The following PROM1 variants were observed in gnomAD, a reference collection of about 807,000 sequenced individuals.
The protein encoded by PROM1 is prominin 1.
PROM1 carries 105 observed loss-of-function variants against 116.9 expected under a neutral mutation model. The observed-to-expected ratio is 0.90, with a 90% confidence interval of 0.77 to 1.06. The LOEUF (loss-of-function observed/expected upper bound fraction) is 1.06, where lower values mean the gene tolerates loss of function less well. Among genes scored for constraint, PROM1 ranks in the 50% least tolerant of loss-of-function variants. The probability of loss-of-function intolerance (pLI) is 0.00; values close to 1 mark genes in which losing one functional copy is unlikely to be tolerated. For missense variants in PROM1, 1,122 were observed against 1,045.2 expected (o/e 1.07, Z -1.01); for synonymous variants, 393 against 387.0 (o/e 1.02, Z -0.18).
chr4:16,033,070 G>C (rs1733113250), intron 5 of PROM1, among the ~76,000 whole-genome samples: 1 of 151,722 alleles, frequency 6.6e-6, no homozygotes, highest in African/African-American at 2.4e-5. Flanking sequence ...ATACCAAAGG[G>C]CTGGCTCATC....
At chr4:16,038,442 A>G (rs1734427853) in intron 3 of PROM1, among the ~76,000 whole-genome samples, 2 of 152,124 alleles carry the variant, frequency 1.3e-5, no homozygotes, top group Admixed American at 1.3e-4. Context: ...TCACTCTGTC[A>G]CCCAGGCTGG....
intron 2 of PROM1, 105 bp downstream of exon 2, chr4:16,075,582 G>A (rs1436797149): frequency 7.9e-6 from 9 of 1,138,220 alleles, no homozygotes; most frequent in South Asian, 1.9e-5. Flanking sequence ...CAAAGCAATC[G>A]CTAAAATACT....
rs541673836 is a variant in PROM1, at chr4:16,045,910, A to C, written c.221-6909T>G. On this transcript the variant is annotated intron_variant, in intron 2 of 27. Coordinates refer to ENST00000447510, the MANE Select transcript of PROM1 (RefSeq NM_006017.3). Reference sequence around the variant, plus strand: ...AGCTTGGAGAGTCATCCCAGGCCTGAGACACATCCAATAAGCCTACCAACT... The same window carrying C: ...AGCTTGGAGAGTCATCCCAGGCCTGCGACACATCCAATAAGCCTACCAACT... Among the ~76,000 whole-genome samples the C allele has an allele frequency of 7.2e-5, 11 of 152,344 alleles. No individual in the cohort carries two copies. In the East Asian group the frequency reaches 2.1e-3, roughly 29 times the overall value.
At chr4:16,062,149 C>G (rs915421406) in intron 2 of PROM1, among the ~76,000 whole-genome samples, 5 of 152,100 alleles carry the variant, frequency 3.3e-5, no homozygotes, top group African/African-American at 1.2e-4. Flanking sequence ...CCTCGGCACC[C>G]CAAAGTGCTG....
intron 11 of PROM1, among the ~76,000 whole-genome samples, chr4:16,011,094 T>A (rs1726777925): frequency 6.6e-6 from 1 of 152,166 alleles, no homozygotes; most frequent in South Asian, 2.1e-4. Flanking sequence ...CTTCTCAGCC[T>A]GGCTTGCCCT....
At chr4:15,994,246 C>T (rs771993544) in intron 15 of PROM1, among the ~76,000 whole-genome samples, 175 bp from the exon 16 acceptor site, 1 of 152,236 alleles carries the variant, frequency 6.6e-6, no homozygotes, top group Non-Finnish European at 1.5e-5. Context: ...CCACTTCTGA[C>T]TTCTTGCCTT....
intron 5 of PROM1, among the ~76,000 whole-genome samples, chr4:16,032,603 C>T (rs1732971817): frequency 6.6e-6 from 1 of 152,132 alleles, no homozygotes; most frequent in Admixed American, 6.5e-5. Context: ...AATAACCAAG[C>T]AACATAACAA....
chr4:16,055,415 G>C (rs1294957580), intron 2 of PROM1: 1 of 456,140 alleles, frequency 2.2e-6, no homozygotes, highest in Non-Finnish European at 4.4e-6. Flanking sequence ...TCTTAAATGA[G>C]CAGGCTTCTC....
intron 13 of PROM1, among the ~76,000 whole-genome samples, chr4:16,005,869 C>T (rs1331412497): frequency 6.6e-6 from 1 of 152,206 alleles, no homozygotes; most frequent in Non-Finnish European, 1.5e-5. Context: ...CTGGCTCTGG[C>T]CCCGGTTGCA....
intron 13 of PROM1, among the ~76,000 whole-genome samples, chr4:16,004,832 T>TTCTTTCTTTCTTTCTTTTCTTCCTTC (rs1203366908): frequency 1.5e-4 from 18 of 122,504 alleles, no homozygotes; most frequent in African/African-American, 5.4e-4. Context: ...TCTTTCTTTT[T>TTCTTTCTTTCTTTCTTTTCTTCCTTC]CTTCCTTCCT....
intron 2 of PROM1, among the ~76,000 whole-genome samples, chr4:16,064,037 CAT>C: frequency 6.6e-6 from 1 of 152,222 alleles, no homozygotes; most frequent in Middle Eastern, 3.4e-3. Context: ...ATTTGCTTGG[CAT>C]ACGCACTTGG....
chr4:16,029,676 T>G (rs115583722), intron 5 of PROM1, among the ~76,000 whole-genome samples: 1 of 152,158 alleles, frequency 6.6e-6, no homozygotes, highest in Non-Finnish European at 1.5e-5. Context: ...AAGAAAAGAT[T>G]TACATTTTTT....
chr4:16,016,272 G>T, intron 9 of PROM1, 32 bp from the exon 10 acceptor site: 2 of 1,501,068 alleles, frequency 1.3e-6, no homozygotes, highest in Admixed American at 2.1e-5. Flanking sequence ...TATAAGACAA[G>T]GTTGTTACCT....
In PROM1 at chr4:16,028,421, A is replaced by T. The variant is rs141558466; in HGVS notation, c.510-3109T>A. Among the ~76,000 whole-genome samples the T allele has an allele frequency of 5.2e-3, 791 of 152,286 alleles. 9 individuals are homozygous for T. The highest frequency in any genetic ancestry group is 0.022 in the Admixed American group (333 of 15,290). ...ATAAATATTACCGTATCTTCCCATT[A>T]TCCACAAAAATCTGGGAATCTGGAT... On this transcript the variant is annotated intron_variant, in intron 5 of 27. Coordinates refer to ENST00000447510, the MANE Select transcript of PROM1 (RefSeq NM_006017.3).
At position 16,036,120 on chromosome 4, in the gene PROM1, C is replaced by A. The variant is rs548716167; in HGVS notation, c.277-359G>T. Among the ~76,000 whole-genome samples, 9 of 152,332 alleles carry A rather than the reference C, an allele frequency of 5.9e-5. No individual in the cohort carries two copies. The South Asian group carries it at 1.9e-3, about 32-fold the overall frequency. ...TAAAATAGAGAATCAGATCTGAGAA[C>A]TCCAGAACCAACGGCAGCATCTTCC... On this transcript the variant is annotated intron_variant, in intron 3 of 27. Coordinates refer to ENST00000447510, the MANE Select transcript of PROM1 (RefSeq NM_006017.3).
chr4:15,972,258 G>A lies in PROM1; in HGVS notation c.2583-1176C>T, dbSNP rs561226157. Among the ~76,000 whole-genome samples the A allele has an allele frequency of 1.9e-3, 295 of 152,262 alleles. 1 individual carries two copies. Among genetic ancestry groups the A allele is most frequent in the African/African-American group, 6.3e-3 (262 of 41,534 alleles). On this transcript the variant is annotated intron_variant, in intron 26 of 27. Coordinates refer to ENST00000447510, the MANE Select transcript of PROM1 (RefSeq NM_006017.3). The stretch of plus-strand genomic sequence containing the variant: ...GCCAATTTAAGCAGTGTCTTAGTAT[G>A]TTTTCTGCTGCTATAACAGAATATC...
chr4:15,997,219 CAT>C (rs559149707), intron 15 of PROM1, among the ~76,000 whole-genome samples: 2,684 of 145,264 alleles, frequency 0.018, 82 homozygotes, highest in African/African-American at 0.064. Context: ...TTCAATGAAA[CAT>C]ATATATATAT....
rs921593958 is a variant in PROM1 at position 16,075,762 on chromosome 4, C to T, written c.145G>A (p.Ala49Thr). ...TCAAAGAGAATGCCAATGGGTCCAG[C>T]TTTATGGGAGTCTTGGGTCTCATAA... ...TNYETQDSHK[A>T]GPIGILFELV... is the part of the protein sequence containing the mutation. Residue 49 changes from alanine (A) to threonine (T), a missense_variant, in exon 2 of 28, where the codon GCT becomes ACT. Transcript: ENST00000447510. The T allele has an allele frequency of 6.2e-7, 1 of 1,613,808 alleles. No individual in the cohort carries two copies. The highest frequency in any genetic ancestry group is 8.5e-7 in the Non-Finnish European group (1 of 1,179,852).
chr4:15,982,150 C>T (rs1288409307), intron 23 of PROM1, among the ~76,000 whole-genome samples: 2 of 152,224 alleles, frequency 1.3e-5, no homozygotes, highest in African/African-American at 4.8e-5. Context: ...TACGTAAGTT[C>T]GAGTCTGACA....
Sources: allele counts gnomAD v4.1 joint callset (sites outside exome capture counted in the v4.1 genomes callset), GRCh38; gene constraint gnomAD v4.1.1; transcripts MANE v1.5; gene names NCBI Gene and HGNC (gene_info 2026-07-23, HGNC 2026-07-21).